The following FBXL17 variants were observed in gnomAD, a reference collection of about 807,000 sequenced individuals.
FBXL17 encodes the protein F-box/LRR-repeat protein 17.
In FBXL17, 22 loss-of-function variants were observed where a neutral mutation model predicts 66.2. That is an observed-to-expected ratio of 0.33 (90% CI 0.24 to 0.47). FBXL17 has a LOEUF of 0.47. Among genes scored for constraint, FBXL17 ranks in the 20% least tolerant of loss-of-function variants. The pLI is 1.00. For missense variants in FBXL17, 878 were observed against 948.2 expected, an observed-to-expected ratio of 0.93 and a Z score of 0.97; for synonymous variants, 474 against 400.5, an observed-to-expected ratio of 1.18 and a Z score of -2.19.
chr5:108,256,200 T>C (rs1320453113), intron 4 of FBXL17, among the ~76,000 whole-genome samples: 3 of 152,116 alleles, frequency 2.0e-5, no homozygotes, highest in Non-Finnish European at 4.4e-5. Flanking sequence ...TAATTTACAT[T>C]TACATCCCCT....
At chr5:107,935,961 T>A (rs183818671) in intron 7 of FBXL17, among the ~76,000 whole-genome samples, 1 of 152,112 alleles carries the variant, frequency 6.6e-6, no homozygotes, top group East Asian at 1.9e-4. Flanking sequence ...GGCTGTAGGG[T>A]CAAGTACACA....
chr5:107,978,494 CT>C (rs2112664051), intron 7 of FBXL17, among the ~76,000 whole-genome samples: 1 of 152,324 alleles, frequency 6.6e-6, no homozygotes, highest in East Asian at 1.9e-4. Flanking sequence ...CCCATTACTC[CT>C]GTAGATAACA....
intron 4 of FBXL17, among the ~76,000 whole-genome samples, chr5:108,307,399 A>G (rs1384584542): frequency 4.0e-5 from 6 of 151,892 alleles, no homozygotes; most frequent in African/African-American, 9.7e-5. Flanking sequence ...TCAAACTCTT[A>G]AGACTCAAGG....
intron 7 of FBXL17, among the ~76,000 whole-genome samples, chr5:108,013,014 C>CAA (rs57393639): frequency 0.036 from 2,852 of 79,146 alleles, 242 homozygotes; most frequent in African/African-American, 0.14. Flanking sequence ...AACTCCGTCT[C>CAA]AAAAAAAAAA....
chr5:108,179,645 CTGTT>C (rs1333131037), intron 6 of FBXL17, among the ~76,000 whole-genome samples: 3 of 152,106 alleles, frequency 2.0e-5, no homozygotes, highest in African/African-American at 4.8e-5. Context: ...TTACAGCACT[CTGTT>C]TGAACACTAA....
chr5:108,341,758 TG>T (rs2112434988), intron 4 of FBXL17, among the ~76,000 whole-genome samples: 1 of 152,250 alleles, frequency 6.6e-6, no homozygotes, highest in Admixed American at 6.5e-5. Context: ...ATCAACCTAG[TG>T]GCACTGTAAC....
chr5:108,090,873 A>G (rs181744109), intron 6 of FBXL17, among the ~76,000 whole-genome samples: 1 of 152,232 alleles, frequency 6.6e-6, no homozygotes, highest in East Asian at 1.9e-4. Flanking sequence ...AGGATATTTT[A>G]AGGGGTTTTC....
intron 4 of FBXL17, among the ~76,000 whole-genome samples, chr5:108,242,915 ATC>A (rs1755925855): frequency 6.6e-6 from 1 of 152,346 alleles, no homozygotes; most frequent in East Asian, 1.9e-4. Flanking sequence ...TGATTTTTAA[ATC>A]TCATTAAAAT....
intron 7 of FBXL17, among the ~76,000 whole-genome samples, chr5:107,979,459 T>G (rs931490275): frequency 2.6e-5 from 4 of 152,220 alleles, no homozygotes; most frequent in African/African-American, 9.6e-5. Context: ...CCAGTAATTA[T>G]TTGGCATTTG....
At chr5:108,376,878 C>G (rs555324377) in intron 1 of FBXL17, among the ~76,000 whole-genome samples, 47 of 150,016 alleles carry the variant, frequency 3.1e-4, no homozygotes, top group African/African-American at 1.0e-3. Context: ...CCTCCACCCA[C>G]GGGTTCAAGC....
chr5:108,268,628 G>GAA (rs150303049), intron 4 of FBXL17, among the ~76,000 whole-genome samples: 4 of 148,278 alleles, frequency 2.7e-5, no homozygotes, highest in African/African-American at 9.8e-5. Flanking sequence ...AATTCAAACT[G>GAA]AAAAAAAAAT....
intron 6 of FBXL17, among the ~76,000 whole-genome samples, chr5:108,106,371 A>G (rs929396960): frequency 6.6e-6 from 1 of 152,216 alleles, no homozygotes; most frequent in Non-Finnish European, 1.5e-5. Flanking sequence ...TCAGAATATT[A>G]AATGTAAAGT....
chr5:107,906,798 T>G (rs536442620), intron 7 of FBXL17, among the ~76,000 whole-genome samples: 3 of 152,324 alleles, frequency 2.0e-5, no homozygotes, highest in African/African-American at 7.2e-5. Flanking sequence ...AGGAGTGGAA[T>G]ACCGTTTCAT....
At chr5:107,939,053 C>T (rs1009692786) in intron 7 of FBXL17, among the ~76,000 whole-genome samples, 1 of 152,066 alleles carries the variant, frequency 6.6e-6, no homozygotes, top group African/African-American at 2.4e-5. Flanking sequence ...ATCGTCCAAA[C>T]CAACATTCCT....
intron 3 of FBXL17, among the ~76,000 whole-genome samples, chr5:108,364,502 A>G (rs577656305): frequency 6.6e-6 from 1 of 152,176 alleles, no homozygotes; most frequent in South Asian, 2.1e-4. Flanking sequence ...GCATAAATTT[A>G]TAAAATGGCT....
chr5:108,285,817 T>C (rs918832248), intron 4 of FBXL17, among the ~76,000 whole-genome samples: 8 of 151,262 alleles, frequency 5.3e-5, no homozygotes, highest in East Asian at 1.9e-4. Flanking sequence ...GTTTAAAAAA[T>C]TGTGACTCAA....
chr5:108,192,955 G>T (rs1753527670), intron 5 of FBXL17, among the ~76,000 whole-genome samples: 1 of 152,202 alleles, frequency 6.6e-6, no homozygotes, highest in African/African-American at 2.4e-5. Context: ...AGCAAAGGCA[G>T]CATGGATGTT....
At position 107,861,714 on chromosome 5, in the gene FBXL17, G is replaced by A. The variant is rs1347147432; in HGVS notation, c.*6C>T. 6.4e-7 allele frequency: 1 copy of A among 1,569,330 alleles called. No homozygotes were observed. Among genetic ancestry groups the A allele is most frequent in the Non-Finnish European group, 8.7e-7 (1 of 1,155,138 alleles). ...TGATCCCAGTGGACTAGGCGAGGCA[G>A]GAGCGCTAGGAGGAGGCGGCAGACA... is the stretch of plus-strand genomic sequence containing the variant. On this transcript the variant is annotated 3_prime_UTR_variant, in exon 9 of 9. Transcript: ENST00000542267.
At chr5:108,068,679 G>A (rs529827172) in intron 6 of FBXL17, among the ~76,000 whole-genome samples, 3 of 151,860 alleles carry the variant, frequency 2.0e-5, no homozygotes, top group African/African-American at 4.8e-5. Flanking sequence ...GGATGGTCTC[G>A]ATCTCCTGAC....
Sources: allele counts gnomAD v4.1 joint callset (sites outside exome capture counted in the v4.1 genomes callset), GRCh38; gene constraint gnomAD v4.1.1; transcripts MANE v1.5; gene names NCBI Gene and HGNC (gene_info 2026-07-23, HGNC 2026-07-21).